Variants in SEMA6D observed in about 807,000 individuals in gnomAD.
The protein encoded by SEMA6D is semaphorin 6D, also known as semaphorin-6D.
Under a neutral mutation model 106.6 loss-of-function variants are expected in SEMA6D, and 35 were observed. The ratio of observed to expected loss-of-function variants is 0.33; its 90% CI spans 0.25 to 0.44. The LOEUF (loss-of-function observed/expected upper bound fraction) is 0.44. Among genes scored for constraint, SEMA6D ranks in the 20% least tolerant of loss-of-function variants. SEMA6D has a pLI of 1.00. For missense variants in SEMA6D, 1,185 were observed against 1,345.9 expected, an observed-to-expected ratio of 0.88 and a Z score of 1.87; for synonymous variants, 499 against 487.7, an observed-to-expected ratio of 1.02 and a Z score of -0.31.
chr15:47,298,500 T>C (rs2142969659), intron 1 of SEMA6D, among the ~76,000 whole-genome samples: 1 of 152,310 alleles, frequency 6.6e-6, no homozygotes, highest in Middle Eastern at 3.4e-3. Flanking sequence ...CCCAGCAGTG[T>C]GACTTAATGA....
chr15:47,453,631 CA>C (rs1006721598), intron 2 of SEMA6D, among the ~76,000 whole-genome samples: 2 of 151,872 alleles, frequency 1.3e-5, no homozygotes, highest in African/African-American at 4.8e-5. Context: ...AGTTTGCTTC[CA>C]TGAACTAAAA....
At chr15:47,425,246 T>C (rs56317840) in intron 2 of SEMA6D, among the ~76,000 whole-genome samples, 1 of 152,112 alleles carries the variant, frequency 6.6e-6, no homozygotes, top group African/African-American at 2.4e-5. Context: ...AATTACATTA[T>C]TTTGGGGGAG....
intron 4 of SEMA6D, among the ~76,000 whole-genome samples, chr15:47,634,696 A>T (rs180977798): frequency 9.9e-5 from 15 of 152,208 alleles, no homozygotes; most frequent in South Asian, 8.3e-4. Flanking sequence ...GACCTTGCTG[A>T]CACTACCCTG....
chr15:47,731,454 G>A (rs968126074), intron 1 of SEMA6D, among the ~76,000 whole-genome samples: 2 of 152,210 alleles, frequency 1.3e-5, no homozygotes, highest in Non-Finnish European at 2.9e-5. Flanking sequence ...CAAAGAGAAA[G>A]AGAATGCCTT....
chr15:47,694,217 A>G (rs1398635539), intron 4 of SEMA6D, among the ~76,000 whole-genome samples: 1 of 152,188 alleles, frequency 6.6e-6, no homozygotes. Context: ...CAATGCTGAG[A>G]AATGCTCACA....
intron 3 of SEMA6D, among the ~76,000 whole-genome samples, chr15:47,538,026 A>G (rs1468307122): frequency 1.3e-5 from 2 of 152,192 alleles, no homozygotes; most frequent in East Asian, 3.9e-4. Context: ...TGTGCTCTTC[A>G]AGGAGATGAT....
chr15:47,254,489 A>G (rs2033693270), intron 1 of SEMA6D, among the ~76,000 whole-genome samples: 6 of 151,912 alleles, frequency 3.9e-5, no homozygotes, highest in Admixed American at 3.3e-4. Flanking sequence ...GTAAGAATGG[A>G]CATCCTCATC....
chr15:47,471,862 A>G (rs2042848140), intron 3 of SEMA6D, among the ~76,000 whole-genome samples: 1 of 151,934 alleles, frequency 6.6e-6, no homozygotes, highest in East Asian at 1.9e-4. Flanking sequence ...TTCCTGAAAT[A>G]TACCAACCTC....
At chr15:47,311,156 A>C (rs2036434560) in intron 1 of SEMA6D, among the ~76,000 whole-genome samples, 1 of 152,224 alleles carries the variant, frequency 6.6e-6, no homozygotes, top group Non-Finnish European at 1.5e-5. Context: ...CTTTTGTTGC[A>C]TCTTTCTACA....
chr15:47,385,186 A>T (rs1005433882), intron 1 of SEMA6D, among the ~76,000 whole-genome samples: 4 of 151,984 alleles, frequency 2.6e-5, no homozygotes, highest in African/African-American at 9.7e-5. Flanking sequence ...ATCAATACTT[A>T]ATAACACAAT....
At chr15:47,573,495 T>G (rs929780365) in intron 3 of SEMA6D, among the ~76,000 whole-genome samples, 13 of 152,210 alleles carry the variant, frequency 8.5e-5, no homozygotes, top group Non-Finnish European at 1.6e-4. Flanking sequence ...TCAGTTAAGC[T>G]CTATCATTTC....
chr15:47,324,643 C>G (rs563775781), intron 1 of SEMA6D, among the ~76,000 whole-genome samples: 2 of 150,590 alleles, frequency 1.3e-5, no homozygotes. Flanking sequence ...ATATATGTGT[C>G]TGTACATATA....
At chr15:47,510,969 C>T (rs2044211113) in intron 3 of SEMA6D, among the ~76,000 whole-genome samples, 1 of 152,062 alleles carries the variant, frequency 6.6e-6, no homozygotes, top group Admixed American at 6.5e-5. Context: ...TAGAATTAAC[C>T]AAGTACATTA....
intron 1 of SEMA6D, among the ~76,000 whole-genome samples, chr15:47,407,819 C>T (rs567814656): frequency 5.3e-4 from 81 of 152,294 alleles, no homozygotes; most frequent in African/African-American, 1.9e-3. Flanking sequence ...GGATGGATAA[C>T]CAGCCAGAAG....
intron 1 of SEMA6D, among the ~76,000 whole-genome samples, chr15:47,394,466 A>C (rs567750348): frequency 6.6e-6 from 1 of 152,248 alleles, no homozygotes; most frequent in South Asian, 2.1e-4. Flanking sequence ...GAGAGTGGCG[A>C]ATTAGTTGGG....
chr15:47,376,248 A>G (rs1479525267), intron 1 of SEMA6D, among the ~76,000 whole-genome samples: 3 of 152,176 alleles, frequency 2.0e-5, no homozygotes, highest in Admixed American at 6.5e-5. Flanking sequence ...TCCAGTCTCC[A>G]TCTGCCCTTC....
At chr15:47,478,031 C>A (rs1214727040) in intron 3 of SEMA6D, among the ~76,000 whole-genome samples, 3 of 152,162 alleles carry the variant, frequency 2.0e-5, no homozygotes, top group African/African-American at 7.2e-5. Context: ...GCAATTCTCT[C>A]CTTGAGTTGA....
At chr15:47,342,872 A>G (rs989911583) in intron 1 of SEMA6D, among the ~76,000 whole-genome samples, 1 of 152,034 alleles carries the variant, frequency 6.6e-6, no homozygotes. Flanking sequence ...CACCACACCC[A>G]GCTAATTTTT....
chr15:47,657,719 C>CTTTTTTTTTTTTTTTTTTTTTT lies in SEMA6D; in HGVS notation c.-55+56842_-55+56863dup, dbSNP rs71118191. On this transcript the variant is annotated intron_variant, in intron 4 of 19. Transcript: ENST00000558014. ...CATTTAGTGACAGAGGGCTTCATTT[C>CTTTTTTTTTTTTTTTTTTTTTT]TTTTTTTTTTTTTTTTTTTTTTTTT... Among the ~76,000 whole-genome samples the CTTTTTTTTTTTTTTTTTTTTTT allele has an allele frequency of 7.3e-5, 4 of 54,676 alleles. 2 individuals carry two copies. The highest frequency in any genetic ancestry group is 1.7e-4 in the African/African-American group (2 of 11,746). The allele number at this position is 54,676 out of a possible 152,430, so 35.9% of individuals were successfully genotyped here.
Sources: allele counts gnomAD v4.1 joint callset (sites outside exome capture counted in the v4.1 genomes callset), GRCh38; gene constraint gnomAD v4.1.1; transcripts MANE v1.5; gene names NCBI Gene and HGNC (gene_info 2026-07-23, HGNC 2026-07-21).